The following GASK1B variants were observed in gnomAD, a reference collection of about 807,000 sequenced individuals.
The protein encoded by GASK1B is Golgi-associated kinase 1B.
Under a neutral mutation model 42.8 loss-of-function variants are expected in GASK1B, and 34 were observed. The ratio of observed to expected loss-of-function variants is 0.79; its 90% CI spans 0.60 to 1.06. GASK1B has a LOEUF of 1.06. Among genes scored for constraint, GASK1B ranks in the 50% least tolerant of loss-of-function variants. The probability of loss-of-function intolerance (pLI) is 0.00; values close to 1 mark genes in which losing one functional copy is unlikely to be tolerated. For missense variants in GASK1B, 686 were observed against 661.0 expected (o/e 1.04, Z -0.42); for synonymous variants, 262 against 259.1 (o/e 1.01, Z -0.11).
At chr4:158,165,779 A>G (rs1732207174) in intron 2 of GASK1B, among the ~76,000 whole-genome samples, 2 of 152,202 alleles carry the variant, frequency 1.3e-5, no homozygotes, top group Non-Finnish European at 2.9e-5. Context: ...CACAAATTCC[A>G]ATTTCATTGC....
At chr4:158,162,283 G>T (rs1732049511) in intron 2 of GASK1B, among the ~76,000 whole-genome samples, 1 of 152,104 alleles carries the variant, frequency 6.6e-6, no homozygotes, top group Non-Finnish European at 1.5e-5. Flanking sequence ...TTTTTGTAAG[G>T]TAGGTTTGCT....
intron 3 of GASK1B, among the ~76,000 whole-genome samples, chr4:158,139,971 A>T (rs979316723): frequency 6.6e-6 from 1 of 152,162 alleles, no homozygotes; most frequent in African/African-American, 2.4e-5. Context: ...TTAAAAATTA[A>T]TAGATTTTCA....
chr4:158,134,802 T>C (rs1021562441), intron 3 of GASK1B, among the ~76,000 whole-genome samples: 3 of 152,206 alleles, frequency 2.0e-5, no homozygotes, highest in African/African-American at 7.2e-5. Context: ...ATTCGACTTA[T>C]GCTTGCAGCA....
intron 3 of GASK1B, among the ~76,000 whole-genome samples, chr4:158,150,642 T>A (rs1323243575): frequency 6.6e-6 from 1 of 152,208 alleles, no homozygotes; most frequent in African/African-American, 2.4e-5. Context: ...TGATAATAAC[T>A]TCTCTGAGCT....
intron 3 of GASK1B, 134 bp from the exon 4 acceptor site, chr4:158,131,146 A>G (rs1219525988): frequency 1.2e-5 from 8 of 691,516 alleles, no homozygotes; most frequent in Non-Finnish European, 1.9e-5. Flanking sequence ...CATTTAATTA[A>G]AGGCAACTGT....
At chr4:158,161,192 G>A (rs1731984746) in intron 2 of GASK1B, among the ~76,000 whole-genome samples, 1 of 151,896 alleles carries the variant, frequency 6.6e-6, no homozygotes, top group Admixed American at 6.6e-5. Context: ...TAAGTAAGGT[G>A]ATGGATTTTT....
At chr4:158,167,325 C>G (rs1209681792) in intron 2 of GASK1B, 1 of 152,196 alleles carries the variant, frequency 6.6e-6, no homozygotes, top group Non-Finnish European at 1.5e-5. Flanking sequence ...GTGATGCCAA[C>G]ACACCACACT....
At position 158,155,704 on chromosome 4, in the gene GASK1B, C is replaced by T. The variant is rs1233144835; in HGVS notation, c.1032G>A (p.Trp344Ter). 2 of 1,613,776 alleles carry T rather than the reference C, an allele frequency of 1.2e-6. No homozygotes were observed. The highest frequency in any genetic ancestry group is 1.7e-6 in the Non-Finnish European group (2 of 1,179,838). ...TYQQLLKQKC[W>*]QNGRVPKPES... Reference sequence around the variant, plus strand: ...CAGGCTTGGGTACTCGGCCATTCTGCCAGCATTTCTGTTTCAGCAACTGCT... The same window carrying T: ...CAGGCTTGGGTACTCGGCCATTCTGTCAGCATTTCTGTTTCAGCAACTGCT... The change falls in exon 3 of 5, where the codon TGG (tryptophan) becomes TGA (stop). Residue 344 changes from tryptophan to a stop codon, truncating the protein, a stop_gained. Transcript: ENST00000585682. LOFTEE classifies it high-confidence loss of function.
In GASK1B at chr4:158,139,496, C is replaced by G. The variant is rs577254862; in HGVS notation, c.1126-8484G>C. On this transcript the variant is annotated intron_variant, in intron 3 of 4. Transcript: ENST00000585682. ...TGTAATACCTTTGAAGTTACTAGAT[C>G]TTATATAGACAAAAGGGAGTTTATT... 3.9e-5 allele frequency among the ~76,000 whole-genome samples: 6 copies of G among 152,176 alleles called. No homozygotes were observed. The East Asian group carries it at 1.2e-3, about 29-fold the overall frequency.
In GASK1B at chr4:158,131,141, A is replaced by G; in HGVS notation, c.1126-129T>C. 13 of 704,816 alleles carry G rather than the reference A, an allele frequency of 1.8e-5. 1 individual carries two copies. The South Asian group carries it at 2.3e-4, about 12-fold the overall frequency. 43.7% of individuals were successfully genotyped at this position (704,816 alleles called of 1,614,324 possible). Reference sequence around the variant, plus strand: ...GAATCTAAGAGGGCCAGGCTCATTTAATTAAAGGCAACTGTCAGAACAAGT... The same window carrying G: ...GAATCTAAGAGGGCCAGGCTCATTTGATTAAAGGCAACTGTCAGAACAAGT... On this transcript the variant is annotated intron_variant, in intron 3 of 4. Coordinates refer to ENST00000585682, the MANE Select transcript of GASK1B (RefSeq NM_001128424.2).
At chr4:158,127,639 A>G (rs1456535323) in intron 4 of GASK1B, 25 bp from the exon 5 acceptor site, 3 of 1,597,238 alleles carry the variant, frequency 1.9e-6, no homozygotes, top group Non-Finnish European at 2.6e-6. Flanking sequence ...TGATATTTCA[A>G]TCTTAGTAAT....
At chr4:158,139,785 C>G (rs1379720642) in intron 3 of GASK1B, among the ~76,000 whole-genome samples, 1 of 152,112 alleles carries the variant, frequency 6.6e-6, no homozygotes, top group South Asian at 2.1e-4. Context: ...ATTGTTCTTT[C>G]AAGTTAAAAT....
At chr4:158,147,293 T>C (rs1384067635) in intron 3 of GASK1B, among the ~76,000 whole-genome samples, 4 of 152,152 alleles carry the variant, frequency 2.6e-5, no homozygotes, top group East Asian at 1.9e-4. Flanking sequence ...ACTTTTTTGA[T>C]TGATATTGTT....
chr4:158,124,491 T>A lies in GASK1B; in HGVS notation c.*2916A>T, dbSNP rs981940012. 1 of 152,214 alleles carries A rather than the reference T, an allele frequency of 6.6e-6. No homozygotes were observed. The highest frequency in any genetic ancestry group is 6.5e-5 in the Admixed American group (1 of 15,272). The allele number at this position is 152,214 out of a possible 1,614,324, so 9.4% of individuals were successfully genotyped here. A position where few individuals can be genotyped will look rare whatever the true frequency, so the allele number is the denominator to read the frequency against. On this transcript the variant is annotated 3_prime_UTR_variant, in exon 5 of 5. Transcript: ENST00000585682. ...GTCTTTATCATCTTTATTTGACCCA[T>A]GTTCAATTTCCATATAATTTTCAGA... is the stretch of plus-strand genomic sequence containing the variant.
chr4:158,135,947 AG>A (rs1730873773), intron 3 of GASK1B, among the ~76,000 whole-genome samples: 1 of 152,168 alleles, frequency 6.6e-6, no homozygotes, highest in Non-Finnish European at 1.5e-5. Flanking sequence ...TTCTCTATGT[AG>A]ACTATTGTTT....
rs1340993957 is a variant in GASK1B at position 158,127,337 on chromosome 4, T to C, written c.*70A>G. On this transcript the variant is annotated 3_prime_UTR_variant, in exon 5 of 5. Coordinates refer to ENST00000585682, the MANE Select transcript of GASK1B (RefSeq NM_001128424.2). ...CATTGCTAAACGGGCTTGAGGTTGA[T>C]GTGCTTGATTTAAAAACAAAACCAA... 2 of 1,306,566 alleles carry C rather than the reference T, an allele frequency of 1.5e-6. No individual in the cohort carries two copies. Among genetic ancestry groups the C allele is most frequent in the South Asian group, 1.3e-5 (1 of 75,896 alleles). 80.9% of individuals were successfully genotyped at this position (1,306,566 alleles called of 1,614,324 possible). A position where few individuals can be genotyped will look rare whatever the true frequency, so the allele number is the denominator to read the frequency against.
At chr4:158,135,320 CAAAAA>C (rs1219141206) in intron 3 of GASK1B, among the ~76,000 whole-genome samples, 1 of 56,234 alleles carries the variant, frequency 1.8e-5, no homozygotes, top group Non-Finnish European at 3.5e-5. Context: ...GACTCCGTCT[CAAAAA>C]AAAAAAAAAA....
chr4:158,160,015 C>A (rs1168862248), intron 2 of GASK1B, among the ~76,000 whole-genome samples: 2 of 152,086 alleles, frequency 1.3e-5, no homozygotes, highest in Admixed American at 1.3e-4. Flanking sequence ...AAGTCTTGAG[C>A]TCTGAAATCA....
intron 3 of GASK1B, among the ~76,000 whole-genome samples, chr4:158,151,335 A>G (rs2110981124): frequency 6.6e-6 from 1 of 152,358 alleles, no homozygotes; most frequent in Middle Eastern, 3.4e-3. Flanking sequence ...TACATGGCCA[A>G]CTGACCATTG....
Sources: allele counts gnomAD v4.1 joint callset (sites outside exome capture counted in the v4.1 genomes callset), GRCh38; gene constraint gnomAD v4.1.1; transcripts MANE v1.5; gene names NCBI Gene and HGNC (gene_info 2026-07-23, HGNC 2026-07-21).